Variants in ADAM9 observed in about 807,000 individuals in gnomAD.
The protein encoded by ADAM9 is disintegrin and metalloproteinase domain-containing protein 9.
Under a neutral mutation model 108.1 loss-of-function variants are expected in ADAM9, and 54 were observed. That is an observed-to-expected ratio of 0.50 (90% confidence interval 0.40 to 0.63). The LOEUF (loss-of-function observed/expected upper bound fraction) is 0.63, where lower values mean the gene tolerates loss of function less well. Ranked by LOEUF, ADAM9 falls within the 20% of genes least tolerant of loss-of-function variation. The probability of loss-of-function intolerance (pLI) is 0.00; values close to 1 mark genes in which losing one functional copy is unlikely to be tolerated. For missense variants in ADAM9, 830 were observed against 997.7 expected (o/e 0.83, Z 2.26); for synonymous variants, 316 against 336.0 (o/e 0.94, Z 0.65).
At chr8:39,006,725 T>A (rs1273652386) in intron 1 of ADAM9, among the ~76,000 whole-genome samples, 1 of 151,978 alleles carries the variant, frequency 6.6e-6, no homozygotes, top group Non-Finnish European at 1.5e-5. Flanking sequence ...ATTCAAGTGA[T>A]GACTTTAGAA....
At chr8:39,014,267 C>T (rs143726709) in intron 4 of ADAM9, 184 of 564,040 alleles carry the variant, frequency 3.3e-4, no homozygotes, top group African/African-American at 3.1e-3. Flanking sequence ...TTTTTAAAGA[C>T]TAGGAAAATA....
At chr8:38,999,693 A>G (rs1385433854) in intron 1 of ADAM9, among the ~76,000 whole-genome samples, 1 of 152,230 alleles carries the variant, frequency 6.6e-6, no homozygotes, top group African/African-American at 2.4e-5. Flanking sequence ...TAATTAAAAT[A>G]TGTACAAACC....
chr8:39,015,986 C>T, intron 4 of ADAM9, 132 bp from the exon 5 acceptor site: 2 of 791,636 alleles, frequency 2.5e-6, no homozygotes, highest in Non-Finnish European at 4.2e-6. Context: ...CTGTGAGATG[C>T]CAATAATATA....
intron 1 of ADAM9, among the ~76,000 whole-genome samples, chr8:38,998,258 A>G (rs998338581): frequency 6.6e-6 from 1 of 152,142 alleles, no homozygotes; most frequent in Non-Finnish European, 1.5e-5. Context: ...AAATGTTGAA[A>G]CTCTGACAAT....
chr8:39,041,806 A>T, intron 11 of ADAM9, 140 bp from the exon 12 acceptor site: 1 of 717,122 alleles, frequency 1.4e-6, no homozygotes. Flanking sequence ...AGTAGATATG[A>T]ATTCTCATTT....
intron 8 of ADAM9, 61 bp downstream of exon 8, chr8:39,021,775 A>T (rs776941930): frequency 6.1e-5 from 89 of 1,457,826 alleles, no homozygotes; most frequent in Non-Finnish European, 8.3e-5. Context: ...CCCAGAACAG[A>T]ACTTAAAAAT....
At chr8:39,025,022 GA>G (rs1721017521) in intron 9 of ADAM9, among the ~76,000 whole-genome samples, 1 of 152,178 alleles carries the variant, frequency 6.6e-6, no homozygotes, top group African/African-American at 2.4e-5. Context: ...GGTCCAGGCG[GA>G]GGGAACAGGT....
intron 1 of ADAM9, among the ~76,000 whole-genome samples, chr8:39,001,788 C>T (rs1836000434): frequency 6.6e-6 from 1 of 151,930 alleles, no homozygotes; most frequent in South Asian, 2.1e-4. Context: ...CTGCCTCAGC[C>T]TCCTGAGTAG....
At chr8:39,065,883 T>G (rs1588403039) in intron 14 of ADAM9, among the ~76,000 whole-genome samples, 1 of 152,286 alleles carries the variant, frequency 6.6e-6, no homozygotes, top group South Asian at 2.1e-4. Context: ...GTGTATATCC[T>G]AATGCTATCC....
At chr8:39,103,132 T>C (rs1407864278) in intron 21 of ADAM9, among the ~76,000 whole-genome samples, 1 of 152,100 alleles carries the variant, frequency 6.6e-6, no homozygotes, top group African/African-American at 2.4e-5. Context: ...TGTCCACAGG[T>C]GGAAGTATGA....
intron 15 of ADAM9, among the ~76,000 whole-genome samples, chr8:39,073,320 T>C (rs558800200): frequency 3.4e-4 from 52 of 152,346 alleles, no homozygotes; most frequent in African/African-American, 1.2e-3. Flanking sequence ...ATGTAAATTT[T>C]TGCTGTGTAT....
At chr8:39,067,146 T>A (rs1276627880) in intron 14 of ADAM9, among the ~76,000 whole-genome samples, 1 of 152,250 alleles carries the variant, frequency 6.6e-6, no homozygotes, top group Non-Finnish European at 1.5e-5. Context: ...GCTATTTTGG[T>A]TACTGTGGCC....
At chr8:39,014,753 C>T (rs769286400) in intron 4 of ADAM9, 16 of 511,404 alleles carry the variant, frequency 3.1e-5, no homozygotes, top group Non-Finnish European at 4.8e-5. Context: ...CTTTGTAATA[C>T]TTTGCTATGT....
At chr8:39,103,197 C>T (rs967368110) in intron 21 of ADAM9, among the ~76,000 whole-genome samples, 37 of 152,170 alleles carry the variant, frequency 2.4e-4, no homozygotes, top group African/African-American at 8.4e-4. Flanking sequence ...CAGAGTGAAT[C>T]TCATGTTGAG....
At chr8:39,005,522 A>G (rs1220753144) in intron 1 of ADAM9, among the ~76,000 whole-genome samples, 2 of 152,226 alleles carry the variant, frequency 1.3e-5, no homozygotes, top group African/African-American at 4.8e-5. Context: ...TAGGGTCACT[A>G]ACTGATTCCA....
intron 12 of ADAM9, among the ~76,000 whole-genome samples, chr8:39,054,099 A>G (rs1413839441): frequency 6.6e-6 from 1 of 152,206 alleles, no homozygotes; most frequent in Non-Finnish European, 1.5e-5. Flanking sequence ...GCACACAGCA[A>G]GAAGGCAGCC....
At chr8:39,100,112 A>T (rs1302899013) in intron 20 of ADAM9, among the ~76,000 whole-genome samples, 2 of 151,480 alleles carry the variant, frequency 1.3e-5, no homozygotes, top group East Asian at 3.9e-4. Flanking sequence ...ACCTCATGTG[A>T]TCCACCTGCC....
In ADAM9 at chr8:39,065,345, A is replaced by T. The variant is rs1490726983; in HGVS notation, c.1592-5953A>T. Among the ~76,000 whole-genome samples, 8 of 150,582 alleles carry T rather than the reference A, an allele frequency of 5.3e-5. No homozygotes were observed. The South Asian group carries it at 1.3e-3, about 24-fold the overall frequency. Reference sequence around the variant, plus strand: ...TTTATATTCTCTGAGTTTTTTTCCCACTTATTTTTAAGAAATAATCTATTC... The same window carrying T: ...TTTATATTCTCTGAGTTTTTTTCCCTCTTATTTTTAAGAAATAATCTATTC... On this transcript the variant is annotated intron_variant, in intron 14 of 21. Coordinates refer to ENST00000487273, the MANE Select transcript of ADAM9 (RefSeq NM_003816.3).
chr8:39,103,865 T>A lies in ADAM9; in HGVS notation c.*165T>A, dbSNP rs113359099. The A allele has an allele frequency of 4.1e-6, 3 of 731,382 alleles. No homozygotes were observed. The highest frequency in any genetic ancestry group is 7.3e-6 in the Non-Finnish European group (3 of 412,386). 45.3% of individuals were successfully genotyped at this position (731,382 alleles called of 1,614,324 possible). A position where few individuals can be genotyped will look rare whatever the true frequency, so the allele number is the denominator to read the frequency against. On this transcript the variant is annotated 3_prime_UTR_variant, in exon 22 of 22. Coordinates refer to ENST00000487273, the MANE Select transcript of ADAM9 (RefSeq NM_003816.3). ...GAAAAACAGAAACTGAGTGTGAGAG[T>A]TGTGAAATACAAGGAAATGCAGTAA...
Sources: gnomAD v4.1 joint callset for allele counts (sites outside exome capture counted in the v4.1 genomes callset) on GRCh38, gnomAD v4.1.1 for gene constraint, MANE v1.5 for transcripts, NCBI Gene and HGNC (gene_info 2026-07-23, HGNC 2026-07-21) for gene names.